Variants in GRM3 observed in about 807,000 individuals in gnomAD.
GRM3 encodes glutamate metabotropic receptor 3.
A neutral mutation model predicts 70.5 loss-of-function variants in GRM3; 26 were observed. The observed-to-expected ratio is 0.37, with a 90% CI of 0.27 to 0.51. The LOEUF (loss-of-function observed/expected upper bound fraction) is 0.51. Ranked by LOEUF, GRM3 falls within the 20% of genes least tolerant of loss-of-function variation. The pLI, the probability that GRM3 is intolerant of heterozygous loss-of-function variation, is 0.93. For synonymous variants in GRM3, 443 were observed against 434.9 expected, an observed-to-expected ratio of 1.02 and a Z score of -0.23; for missense variants, 859 against 1,123.8, an observed-to-expected ratio of 0.76 and a Z score of 3.37.
chr7:86,804,077 C>T (rs1056248062), intron 3 of GRM3, among the ~76,000 whole-genome samples: 8 of 152,248 alleles, frequency 5.3e-5, no homozygotes, highest in Admixed American at 3.3e-4. Context: ...GTAGAATTCA[C>T]ATTCTTGGAT....
intron 1 of GRM3, among the ~76,000 whole-genome samples, chr7:86,753,482 A>G (rs1221363891): frequency 6.6e-6 from 1 of 152,180 alleles, no homozygotes; most frequent in Non-Finnish European, 1.5e-5. Context: ...ATTGTAACCC[A>G]GAATAAATAT....
chr7:86,820,936 GTTCT>G (rs1452208499), intron 3 of GRM3, among the ~76,000 whole-genome samples: 3 of 152,116 alleles, frequency 2.0e-5, no homozygotes, highest in African/African-American at 7.2e-5. Flanking sequence ...AAAGTCACAG[GTTCT>G]TTCTTTCTTA....
chr7:86,664,498 T>C (rs533633422), intron 1 of GRM3, among the ~76,000 whole-genome samples: 1 of 151,934 alleles, frequency 6.6e-6, no homozygotes, highest in African/African-American at 2.4e-5. Context: ...TCAAAATTAT[T>C]TATGTGTTAG....
chr7:86,863,636 T>C (rs73194601), intron 5 of GRM3, among the ~76,000 whole-genome samples: 10,564 of 152,174 alleles, frequency 0.069, 459 homozygotes, highest in African/African-American at 0.13. Flanking sequence ...ATCAAACCAG[T>C]CTCTAAGGCA....
chr7:86,775,045 A>G, intron 2 of GRM3: 1 of 152,128 alleles, frequency 6.6e-6, no homozygotes, highest in African/African-American at 2.4e-5. Context: ...TAAATTAAAA[A>G]GTAAAGGAAA....
At chr7:86,834,182 A>G (rs541523671) in intron 3 of GRM3, among the ~76,000 whole-genome samples, 2 of 152,316 alleles carry the variant, frequency 1.3e-5, no homozygotes, top group South Asian at 4.1e-4. Flanking sequence ...ACACACTTAT[A>G]AGAAATCAGA....
chr7:86,844,169 C>T (rs1289934955), intron 4 of GRM3, among the ~76,000 whole-genome samples: 1 of 152,112 alleles, frequency 6.6e-6, no homozygotes, highest in African/African-American at 2.4e-5. Flanking sequence ...CCTATTTTCC[C>T]ATGTTGACTA....
intron 1 of GRM3, among the ~76,000 whole-genome samples, chr7:86,660,449 A>G (rs1159649397): frequency 2.0e-5 from 3 of 152,172 alleles, no homozygotes; most frequent in African/African-American, 7.2e-5. Context: ...AAAGAGGAAA[A>G]GGTTAGCAAA....
rs546280807 is a variant in GRM3, at chr7:86,779,991, G to A, written c.469-6270G>A. 9.6e-4 allele frequency among the ~76,000 whole-genome samples: 144 copies of A among 150,338 alleles called. 1 individual carries two copies. The highest frequency in any genetic ancestry group is 3.1e-3 in the African/African-American group (123 of 40,020). On this transcript the variant is annotated intron_variant, in intron 2 of 5. Transcript: ENST00000361669. ...ACAAATACTAATTTTTTTTGTCCTT[G>A]CAATAGTTTGCTGAGAATGATGGTT...
chr7:86,790,406 C>G (rs1214311294), intron 3 of GRM3, among the ~76,000 whole-genome samples: 1 of 152,184 alleles, frequency 6.6e-6, no homozygotes, highest in Non-Finnish European at 1.5e-5. Context: ...ATACCACCAT[C>G]TCTAGCCTAC....
rs1259991444 is a variant in GRM3, at chr7:86,674,209, GCTTGAC to G, written c.-141+29339_-141+29344del. On this transcript the variant is annotated intron_variant, in intron 1 of 5. Coordinates refer to ENST00000361669, the MANE Select transcript of GRM3 (RefSeq NM_000840.3). ...TGGCTTTCTCTAATGTCATCTGGAG[GCTTGAC>G]CAGGACCAAAAGATTCACCCCCAAG... is the stretch of plus-strand genomic sequence containing the variant. Among the ~76,000 whole-genome samples, 3 of 152,038 alleles carry G rather than the reference GCTTGAC, an allele frequency of 2.0e-5. No homozygotes were observed. The East Asian group carries it at 5.8e-4, about 29-fold the overall frequency.
chr7:86,680,252 C>T (rs557946316), intron 1 of GRM3, among the ~76,000 whole-genome samples: 3 of 152,206 alleles, frequency 2.0e-5, no homozygotes, highest in Non-Finnish European at 2.9e-5. Context: ...AAGAGGACTA[C>T]TAAAATTGGA....
At chr7:86,863,089 T>A (rs1210067427) in intron 5 of GRM3, among the ~76,000 whole-genome samples, 6 of 152,124 alleles carry the variant, frequency 3.9e-5, no homozygotes, top group African/African-American at 1.4e-4. Flanking sequence ...AGATCTTAAA[T>A]GTAATGGAAC....
At chr7:86,701,221 T>C (rs1489898613) in intron 1 of GRM3, among the ~76,000 whole-genome samples, 1 of 151,920 alleles carries the variant, frequency 6.6e-6, no homozygotes. Flanking sequence ...TTGAATATCA[T>C]GCATGGTAAC....
intron 1 of GRM3, among the ~76,000 whole-genome samples, chr7:86,758,626 G>A (rs1001048158): frequency 2.0e-5 from 3 of 152,084 alleles, no homozygotes; most frequent in Non-Finnish European, 2.9e-5. Context: ...TCTATACTGA[G>A]TCACTCAACA....
intron 5 of GRM3, 142 bp from the exon 6 acceptor site, chr7:86,864,140 G>A (rs1799015445): frequency 3.2e-6 from 2 of 628,178 alleles, no homozygotes; most frequent in African/African-American, 3.8e-5. Context: ...AGTATACACT[G>A]AACTCCAATT....
chr7:86,666,671 A>C lies in GRM3; in HGVS notation c.-141+21799A>C, dbSNP rs372326666. Among the ~76,000 whole-genome samples the C allele has an allele frequency of 1.5e-4, 23 of 152,074 alleles. 1 individual carries two copies. The East Asian group carries it at 2.3e-3, about 15-fold the overall frequency. ...TCTAATGAATTCTAGGATCCAAACT[A>C]GCTATTTTTTTAATGAGAAAATTGA... On this transcript the variant is annotated intron_variant, in intron 1 of 5. Transcript: ENST00000361669.
chr7:86,667,170 T>C (rs1345682020), intron 1 of GRM3, among the ~76,000 whole-genome samples: 2 of 152,046 alleles, frequency 1.3e-5, no homozygotes, highest in Non-Finnish European at 2.9e-5. Flanking sequence ...GTTCTACATA[T>C]ACCAGGTAAC....
chr7:86,728,949 A>G (rs556231959), intron 1 of GRM3, among the ~76,000 whole-genome samples: 70 of 152,270 alleles, frequency 4.6e-4, no homozygotes, highest in African/African-American at 1.6e-3. Flanking sequence ...AACTTTTCCT[A>G]GTATAAAAAA....
Sources: allele counts gnomAD v4.1 joint callset (sites outside exome capture counted in the v4.1 genomes callset), GRCh38; gene constraint gnomAD v4.1.1; transcripts MANE v1.5; gene names NCBI Gene and HGNC (gene_info 2026-07-23, HGNC 2026-07-21).